Variants in GARIN1A observed in about 807,000 individuals in gnomAD.
GARIN1A encodes golgi associated RAB2 interactor 1A, also known as Golgi-associated RAB2 interactor protein 1A.
the GARIN1A span, chr7:128,697,493 G>A: frequency 1.3e-5 from 2 of 152,294 alleles, no homozygotes; most frequent in Admixed American, 1.3e-4. Flanking sequence ...CGGAAGCTAA[G>A]CAGGGTCGGG....
the GARIN1A span, among the ~76,000 whole-genome samples, chr7:128,688,156 C>T: frequency 1.3e-5 from 2 of 152,094 alleles, no homozygotes; most frequent in Admixed American, 6.5e-5. Context: ...GGATTAAAGG[C>T]ACGCGCCACC....
chr7:128,700,302 A>G, the GARIN1A span, among the ~76,000 whole-genome samples: 1 of 149,818 alleles, frequency 6.7e-6, no homozygotes, highest in South Asian at 2.1e-4. Flanking sequence ...TTTTTTTGAA[A>G]CGGAGTCTCT....
chr7:128,686,152 A>C, the GARIN1A span: 1 of 152,142 alleles, frequency 6.6e-6, no homozygotes, highest in African/African-American at 2.4e-5. Context: ...GGTGGAGGTT[A>C]CAGTGAGCAG....
At chr7:128,677,050 A>G in the GARIN1A span, among the ~76,000 whole-genome samples, 1 of 152,012 alleles carries the variant, frequency 6.6e-6, no homozygotes, top group African/African-American at 2.4e-5. Context: ...ACTGGCATAC[A>G]CCTGTATTCC....
chr7:128,693,773 A>C, the GARIN1A span: 1 of 153,376 alleles, frequency 6.5e-6, no homozygotes, highest in African/African-American at 2.4e-5. Context: ...CATGGAGCAA[A>C]GCCATGTGCT....
At chr7:128,704,086 A>C in the GARIN1A span, among the ~76,000 whole-genome samples, 25,524 of 152,126 alleles carry the variant, frequency 0.17, 2,295 homozygotes, top group Middle Eastern at 0.28. Flanking sequence ...GAAAGAGCTC[A>C]CTCAGTTGCT....
the GARIN1A span, chr7:128,675,547 T>TA: frequency 1.2e-4 from 102 of 883,052 alleles, no homozygotes; most frequent in African/African-American, 1.6e-3. Flanking sequence ...AAAGGATCAA[T>TA]AGCAGGTCAG....
chr7:128,684,105 T>C, the GARIN1A span: 1 of 152,058 alleles, frequency 6.6e-6, no homozygotes, highest in East Asian at 1.9e-4. Flanking sequence ...CCAAATCATA[T>C]ATCAGTCTGC....
chr7:128,680,278 C>T, the GARIN1A span: 20 of 484,472 alleles, frequency 4.1e-5, no homozygotes, highest in South Asian at 9.1e-4. Flanking sequence ...CTTTTTCTGT[C>T]AATTTTATTG....
At chr7:128,682,477 T>C in the GARIN1A span, among the ~76,000 whole-genome samples, 2 of 152,358 alleles carry the variant, frequency 1.3e-5, no homozygotes, top group East Asian at 1.9e-4. Flanking sequence ...CTTAACATTA[T>C]TGCATGTGTG....
chr7:128,708,707 T>A, the GARIN1A span, among the ~76,000 whole-genome samples: 1 of 152,228 alleles, frequency 6.6e-6, no homozygotes, highest in Non-Finnish European at 1.5e-5. Flanking sequence ...TTTATGTCTT[T>A]TCTACCCTTT....
the GARIN1A span, among the ~76,000 whole-genome samples, chr7:128,674,018 C>T: frequency 1.6e-4 from 25 of 152,040 alleles, no homozygotes; most frequent in Admixed American, 3.9e-4. Flanking sequence ...CTCAGCCTCC[C>T]GAGTAGCTAG....
At chr7:128,688,949 C>T in the GARIN1A span, among the ~76,000 whole-genome samples, 4 of 151,058 alleles carry the variant, frequency 2.6e-5, no homozygotes, top group Middle Eastern at 3.4e-3. Context: ...TGCAGGCGCG[C>T]GCCACCACGC....
chr7:128,677,935 T>A, the GARIN1A span: 1 of 857,374 alleles, frequency 1.2e-6, no homozygotes, highest in Non-Finnish European at 1.7e-6. Context: ...AAATATCATT[T>A]TGATAATTTC....
chr7:128,679,926 T>A, the GARIN1A span: 958 of 598,012 alleles, frequency 1.6e-3, 22 homozygotes, highest in East Asian at 0.028. Flanking sequence ...GGTTAGGGTG[T>A]GAAACTCAAC....
chr7:128,707,263 T>C, the GARIN1A span, among the ~76,000 whole-genome samples: 1 of 146,676 alleles, frequency 6.8e-6, no homozygotes, highest in African/African-American at 2.5e-5. Flanking sequence ...GAATGTTCAA[T>C]ATAAGATCTA....
chr7:128,699,264 C>CG, the GARIN1A span, among the ~76,000 whole-genome samples: 170 of 135,966 alleles, frequency 1.3e-3, 9 homozygotes, highest in South Asian at 5.1e-3. Context: ...CCTGCTGCCC[C>CG]CCCCCCCCCA....
At chr7:128,706,184 C>T in the GARIN1A span, among the ~76,000 whole-genome samples, 1 of 152,202 alleles carries the variant, frequency 6.6e-6, no homozygotes, top group Non-Finnish European at 1.5e-5. Flanking sequence ...ATTCTTTTGA[C>T]TTGTCTGCAT....
chr7:128,682,126 T>G, the GARIN1A span, among the ~76,000 whole-genome samples: 1 of 152,138 alleles, frequency 6.6e-6, no homozygotes, highest in East Asian at 1.9e-4. Context: ...CCCAGAGTCC[T>G]AGAGCCACAG....
Sources: gnomAD v4.1 joint callset for allele counts (sites outside exome capture counted in the v4.1 genomes callset) on GRCh38, gnomAD v4.1.1 for gene constraint, MANE v1.5 for transcripts, NCBI Gene and HGNC (gene_info 2026-07-23, HGNC 2026-07-21) for gene names.